EPHA6: variants seen among roughly 807,000 people sequenced by gnomAD.
EPHA6 encodes the protein EPH receptor A6.
EPHA6 carries 50 observed loss-of-function variants against 112.0 expected under a neutral mutation model. That is an observed-to-expected ratio of 0.45 (90% CI 0.36 to 0.56). EPHA6 has a LOEUF of 0.56. EPHA6 is among the 20% of genes least tolerant of loss of function. EPHA6 has a pLI of 0.00. For missense variants in EPHA6, 1,280 were observed against 1,417.4 expected, an observed-to-expected ratio of 0.90 and a Z score of 1.56; for synonymous variants, 529 against 490.7, an observed-to-expected ratio of 1.08 and a Z score of -1.03.
intron 3 of EPHA6, among the ~76,000 whole-genome samples, chr3:97,065,475 A>G (rs2046148593): frequency 6.6e-6 from 1 of 152,134 alleles, no homozygotes; most frequent in African/African-American, 2.4e-5. Context: ...CTCTTCAAAG[A>G]AAACCTGTGT....
chr3:97,454,016 A>T (rs1409660660), intron 7 of EPHA6, among the ~76,000 whole-genome samples: 2 of 151,762 alleles, frequency 1.3e-5, no homozygotes, highest in East Asian at 3.9e-4. Flanking sequence ...CGATTTCTGC[A>T]AATTAAGGTA....
intron 14 of EPHA6, among the ~76,000 whole-genome samples, chr3:97,680,703 G>A (rs1351103263): frequency 6.6e-6 from 1 of 152,116 alleles, no homozygotes; most frequent in Non-Finnish European, 1.5e-5. Context: ...CATATCCCCA[G>A]TGTCAAACCC....
chr3:97,538,846 T>C (rs1424433265), intron 11 of EPHA6, among the ~76,000 whole-genome samples: 2 of 152,250 alleles, frequency 1.3e-5, no homozygotes, highest in Middle Eastern at 3.4e-3. Flanking sequence ...TGCAATCAGA[T>C]TCAAAGATGT....
chr3:97,198,394 G>A (rs1043983041), intron 3 of EPHA6, among the ~76,000 whole-genome samples: 4 of 152,132 alleles, frequency 2.6e-5, no homozygotes, highest in Non-Finnish European at 5.9e-5. Flanking sequence ...TTTAGATTCA[G>A]GTTAGCTCCA....
rs2093617955 is a variant in EPHA6, at chr3:97,598,867, T to G, written c.2512+6130T>G. ...CTGACTTCCACAATGGTTGAACTAGTTTACAGTCCCACCAACAGTGTAAAA... is the reference window on the plus strand; with the variant it reads ...CTGACTTCCACAATGGTTGAACTAGGTTACAGTCCCACCAACAGTGTAAAA... On this transcript the variant is annotated intron_variant, in intron 12 of 17. Transcript: ENST00000389672. Among the ~76,000 whole-genome samples the G allele has an allele frequency of 3.3e-5, 5 of 151,058 alleles. No individual in the cohort carries two copies. The South Asian group carries it at 6.4e-4, about 19-fold the overall frequency.
At chr3:96,889,214 A>G (rs1271798621) in intron 2 of EPHA6, among the ~76,000 whole-genome samples, 1 of 151,918 alleles carries the variant, frequency 6.6e-6, no homozygotes, top group Non-Finnish European at 1.5e-5. Context: ...AGTTTCTCAC[A>G]TTTTCCTGTC....
At chr3:97,371,846 A>G (rs917747694) in intron 5 of EPHA6, among the ~76,000 whole-genome samples, 11 of 152,108 alleles carry the variant, frequency 7.2e-5, no homozygotes, top group African/African-American at 2.7e-4. Context: ...TCTGTCTTTT[A>G]CCGTCGTACA....
Position 97,097,612 on chromosome 3 carries a change from T to C in EPHA6, c.1114+109619T>C, listed in dbSNP as rs182115915. ...TTGTATAGCTTTATATAAAAGATAG[T>C]TAATTAAAATTTATGTCTTCACTGC... On this transcript the variant is annotated intron_variant, in intron 3 of 17. Coordinates refer to ENST00000389672, the MANE Select transcript of EPHA6 (RefSeq NM_001080448.3). 2.0e-5 allele frequency among the ~76,000 whole-genome samples: 3 copies of C among 151,970 alleles called. No individual in the cohort carries two copies. In the East Asian group the frequency reaches 5.8e-4, roughly 29 times the overall value.
At chr3:97,542,881 C>A (rs1327801843) in intron 11 of EPHA6, among the ~76,000 whole-genome samples, 1 of 152,192 alleles carries the variant, frequency 6.6e-6, no homozygotes. Flanking sequence ...TTTTTGGCTG[C>A]ATAAATGTCT....
chr3:97,596,555 T>C (rs1296953313), intron 12 of EPHA6, among the ~76,000 whole-genome samples: 3 of 151,922 alleles, frequency 2.0e-5, no homozygotes, highest in African/African-American at 7.2e-5. Flanking sequence ...TGACATCATA[T>C]GGTATCTTAA....
chr3:97,084,739 A>C (rs1367595606), intron 3 of EPHA6, among the ~76,000 whole-genome samples: 1 of 152,126 alleles, frequency 6.6e-6, no homozygotes, highest in Non-Finnish European at 1.5e-5. Context: ...CACTGCTGAA[A>C]GATATCAGAG....
Position 97,568,747 on chromosome 3 carries a change from G to C in EPHA6, c.2387-23865G>C, listed in dbSNP as rs571384336. On this transcript the variant is annotated intron_variant, in intron 11 of 17. Coordinates refer to ENST00000389672, the MANE Select transcript of EPHA6 (RefSeq NM_001080448.3). ...TTATTCATGACACTTGTTAAAGATG[G>C]TGAGGCAGATTTTATTCAAGGAGGG... Among the ~76,000 whole-genome samples the C allele has an allele frequency of 3.0e-4, 46 of 152,248 alleles. 1 individual carries two copies. The highest frequency in any genetic ancestry group is 1.1e-3 in the African/African-American group (44 of 41,536).
intron 14 of EPHA6, among the ~76,000 whole-genome samples, chr3:97,715,373 T>A (rs1005678067): frequency 6.6e-6 from 1 of 152,244 alleles, no homozygotes; most frequent in African/African-American, 2.4e-5. Context: ...TCTTACAATT[T>A]GTATTTCAGA....
At chr3:97,371,123 C>T (rs1392948959) in intron 5 of EPHA6, among the ~76,000 whole-genome samples, 2 of 150,118 alleles carry the variant, frequency 1.3e-5, no homozygotes, top group Non-Finnish European at 3.0e-5. Flanking sequence ...GTTCCTAAAG[C>T]TTTTTCGTTA....
At chr3:96,837,412 G>A (rs2034481396) in intron 1 of EPHA6, among the ~76,000 whole-genome samples, 1 of 152,076 alleles carries the variant, frequency 6.6e-6, no homozygotes. Flanking sequence ...CATTGTTTAT[G>A]ATGAGGGAGA....
At chr3:96,819,637 TC>T (rs2033095433) in intron 1 of EPHA6, among the ~76,000 whole-genome samples, 1 of 152,130 alleles carries the variant, frequency 6.6e-6, no homozygotes, top group Admixed American at 6.6e-5. Flanking sequence ...AGTTAGGTGA[TC>T]AAAATAGTTT....
At chr3:97,705,228 T>A (rs1312729015) in intron 14 of EPHA6, among the ~76,000 whole-genome samples, 1 of 152,094 alleles carries the variant, frequency 6.6e-6, no homozygotes, top group South Asian at 2.1e-4. Flanking sequence ...AAATCTTACA[T>A]TCTCCTCTCT....
At chr3:97,171,832 G>A (rs1450875021) in intron 3 of EPHA6, among the ~76,000 whole-genome samples, 1 of 151,836 alleles carries the variant, frequency 6.6e-6, no homozygotes, top group Non-Finnish European at 1.5e-5. Flanking sequence ...GAGCCAATCC[G>A]GAGTAGAATG....
intron 16 of EPHA6, among the ~76,000 whole-genome samples, chr3:97,737,063 T>C (rs1270525733): frequency 6.6e-6 from 1 of 151,984 alleles, no homozygotes; most frequent in Admixed American, 6.6e-5. Flanking sequence ...AGAGTTCACC[T>C]CTAAATCACT....
Sources: gnomAD v4.1 joint callset for allele counts (sites outside exome capture counted in the v4.1 genomes callset) on GRCh38, gnomAD v4.1.1 for gene constraint, MANE v1.5 for transcripts, NCBI Gene and HGNC (gene_info 2026-07-23, HGNC 2026-07-21) for gene names.